RNF13: variants seen among roughly 807,000 people sequenced by gnomAD.
RNF13 encodes ring finger protein 13, also known as E3 ubiquitin-protein ligase RNF13.
A neutral mutation model predicts 37.7 loss-of-function variants in RNF13; 19 were observed. That is an observed-to-expected ratio of 0.50 (90% CI 0.35 to 0.74). RNF13 has a LOEUF of 0.74. RNF13 is among the 30% of genes least tolerant of loss of function. RNF13 has a pLI of 0.01. For synonymous variants in RNF13, 144 were observed against 157.8 expected, an observed-to-expected ratio of 0.91 and a Z score of 0.65; for missense variants, 375 against 453.0, an observed-to-expected ratio of 0.83 and a Z score of 1.56.
chr3:149,899,395 G>C (rs1192145204), intron 5 of RNF13, among the ~76,000 whole-genome samples: 3 of 152,192 alleles, frequency 2.0e-5, no homozygotes, highest in African/African-American at 7.2e-5. Flanking sequence ...GGTGCAGTGA[G>C]CCGAGATCGT....
chr3:149,908,673 G>T (rs568269313), intron 6 of RNF13, among the ~76,000 whole-genome samples: 1 of 152,190 alleles, frequency 6.6e-6, no homozygotes, highest in African/African-American at 2.4e-5. Context: ...CAGCAGTTGG[G>T]CTGAATACAG....
intron 8 of RNF13, among the ~76,000 whole-genome samples, chr3:149,950,137 T>G (rs909816955): frequency 6.6e-6 from 1 of 152,208 alleles, no homozygotes; most frequent in Non-Finnish European, 1.5e-5. Flanking sequence ...CACTTTTTAA[T>G]TCTTTCTCAG....
At chr3:149,952,807 C>T (rs1220687930) in intron 8 of RNF13, among the ~76,000 whole-genome samples, 1 of 152,144 alleles carries the variant, frequency 6.6e-6, no homozygotes, top group Non-Finnish European at 1.5e-5. Context: ...CCATGTCAAT[C>T]AGGCTATTCT....
chr3:149,821,041 A>G (rs372400824), intron 1 of RNF13, among the ~76,000 whole-genome samples: 6 of 152,276 alleles, frequency 3.9e-5, no homozygotes, highest in South Asian at 4.2e-4. Context: ...TTCCATGTCT[A>G]TATATCAGTT....
intron 7 of RNF13, 125 bp downstream of exon 7, chr3:149,912,208 G>A (rs1447347437): frequency 5.8e-6 from 3 of 515,130 alleles, no homozygotes; most frequent in Admixed American, 3.4e-5. Context: ...ATTCATTTAT[G>A]TGAAGTTCTA....
intron 3 of RNF13, among the ~76,000 whole-genome samples, chr3:149,854,342 C>G (rs957716538): frequency 6.6e-6 from 1 of 152,126 alleles, no homozygotes; most frequent in Non-Finnish European, 1.5e-5. Context: ...ATGTAGCAGT[C>G]ACACTTCCCT....
At chr3:149,927,144 C>T (rs1321792203) in intron 8 of RNF13, among the ~76,000 whole-genome samples, 3 of 152,176 alleles carry the variant, frequency 2.0e-5, no homozygotes, top group Admixed American at 1.3e-4. Flanking sequence ...AGTAACTCCC[C>T]ATTTCCACTT....
intron 3 of RNF13, among the ~76,000 whole-genome samples, chr3:149,864,485 G>T (rs1208708382): frequency 1.3e-5 from 2 of 151,902 alleles, no homozygotes; most frequent in Non-Finnish European, 2.9e-5. Context: ...CAGTATAAAC[G>T]CACCAAGACA....
At chr3:149,941,912 T>TTTATTTATTTATTTA (rs1161443904) in intron 8 of RNF13, among the ~76,000 whole-genome samples, 3 of 151,406 alleles carry the variant, frequency 2.0e-5, no homozygotes, top group African/African-American at 7.3e-5. Flanking sequence ...TATTTATTTA[T>TTTATTTATTTATTTA]TTATTTAGGC....
intron 7 of RNF13, 86 bp downstream of exon 7, chr3:149,912,169 G>A: frequency 1.5e-6 from 1 of 686,458 alleles, no homozygotes; most frequent in Non-Finnish European, 2.6e-6. Context: ...TTTAAACAAT[G>A]TGTACATAAA....
chr3:149,823,763 A>G (rs1184184200), intron 1 of RNF13, among the ~76,000 whole-genome samples: 1 of 152,244 alleles, frequency 6.6e-6, no homozygotes, highest in Non-Finnish European at 1.5e-5. Context: ...TCATAATACA[A>G]TATGATACAA....
At chr3:149,836,540 G>A (rs1307961757) in intron 1 of RNF13, among the ~76,000 whole-genome samples, 2 of 151,914 alleles carry the variant, frequency 1.3e-5, no homozygotes, top group African/African-American at 2.4e-5. Context: ...TGGCAAGGAT[G>A]TGAAGAAATA....
intron 4 of RNF13, among the ~76,000 whole-genome samples, chr3:149,874,226 A>T (rs1029488820): frequency 7.2e-5 from 11 of 152,164 alleles, no homozygotes; most frequent in Non-Finnish European, 1.6e-4. Context: ...TTCCTTACTT[A>T]TGTCATTCCT....
intron 1 of RNF13, among the ~76,000 whole-genome samples, chr3:149,837,310 A>G (rs758464468): frequency 2.0e-5 from 3 of 152,212 alleles, no homozygotes; most frequent in Non-Finnish European, 4.4e-5. Context: ...ACCTAGATTT[A>G]TAGTGTGTTT....
At chr3:149,821,633 T>C (rs766366828) in intron 1 of RNF13, among the ~76,000 whole-genome samples, 4 of 152,072 alleles carry the variant, frequency 2.6e-5, no homozygotes, top group African/African-American at 4.8e-5. Context: ...TTCAATTTTT[T>C]GATAATGTCC....
intron 8 of RNF13, among the ~76,000 whole-genome samples, chr3:149,943,764 CAT>C (rs1402806878): frequency 1.3e-5 from 2 of 151,950 alleles, no homozygotes; most frequent in Non-Finnish European, 2.9e-5. Flanking sequence ...TAGTTGGAAT[CAT>C]ATAGTATATT....
At chr3:149,952,726 A>G (rs1721466650) in intron 8 of RNF13, among the ~76,000 whole-genome samples, 2 of 151,928 alleles carry the variant, frequency 1.3e-5, no homozygotes, top group South Asian at 2.1e-4. Context: ...CAGCCTCCTG[A>G]GTAGCTGGGA....
chr3:149,941,424 C>T (rs1559965953), intron 8 of RNF13, among the ~76,000 whole-genome samples: 1 of 151,944 alleles, frequency 6.6e-6, no homozygotes, highest in Admixed American at 6.6e-5. Flanking sequence ...ATTTGCATTT[C>T]CCTGATGATT....
chr3:149,960,550 C>G (rs1452408418), intron 9 of RNF13, among the ~76,000 whole-genome samples, 190 bp from the exon 10 acceptor site: 1 of 151,978 alleles, frequency 6.6e-6, no homozygotes, highest in African/African-American at 2.4e-5. Context: ...TGAGATTGTG[C>G]CACTGCACTC....
Sources: gnomAD v4.1 joint callset for allele counts (sites outside exome capture counted in the v4.1 genomes callset) on GRCh38, gnomAD v4.1.1 for gene constraint, MANE v1.5 for transcripts, NCBI Gene and HGNC (gene_info 2026-07-23, HGNC 2026-07-21) for gene names.